Variants in ATXN10 observed in about 807,000 individuals in gnomAD.
ATXN10 encodes ataxin 10.
In ATXN10, 28 loss-of-function variants were observed where a neutral mutation model predicts 52.9. The observed-to-expected ratio is 0.53, with a 90% CI of 0.39 to 0.73. The LOEUF is 0.73. Among genes scored for constraint, ATXN10 ranks in the 30% least tolerant of loss-of-function variants. ATXN10 has a pLI of 0.00. For missense variants in ATXN10, 565 were observed against 577.0 expected, an observed-to-expected ratio of 0.98 and a Z score of 0.21; for synonymous variants, 226 against 221.5, an observed-to-expected ratio of 1.02 and a Z score of -0.18.
chr22:45,692,298 A>G (rs1923415406), intron 2 of ATXN10, among the ~76,000 whole-genome samples: 1 of 152,240 alleles, frequency 6.6e-6, no homozygotes. Context: ...TGGTAGGGCC[A>G]GCAAAGCAAG....
Position 45,806,970 on chromosome 22 carries a change from G to A in ATXN10, c.1185G>A (p.Leu395=). Residue 395 remains leucine (L), a synonymous_variant, in exon 10 of 12, where the codon CTG becomes CTA. Coordinates refer to ENST00000252934, the MANE Select transcript of ATXN10 (RefSeq NM_013236.4). ...NKDNQDKVNE[L]DGIPLILDNC... ...TTCTTTCTCTCTAGGTAAATGAGCT[G>A]GATGGTATCCCGTTGATCCTGGACA... 6.2e-7 allele frequency: 1 copy of A among 1,613,632 alleles called. No homozygotes were observed. Among genetic ancestry groups the A allele is most frequent in the Non-Finnish European group, 8.5e-7 (1 of 1,179,576 alleles).
chr22:45,679,939 T>TAA (rs985104987), intron 1 of ATXN10: 4 of 152,046 alleles, frequency 2.6e-5, no homozygotes, highest in African/African-American at 4.8e-5. Flanking sequence ...CCAATCGAAA[T>TAA]AAATAAGGTT....
rs374576400 is a variant in ATXN10 at position 45,821,659 on chromosome 22, A to G, written c.1237+14637A>G. Among the ~76,000 whole-genome samples, 3 of 152,198 alleles carry G rather than the reference A, an allele frequency of 2.0e-5. No homozygotes were observed. The East Asian group carries it at 5.8e-4, about 29-fold the overall frequency. ...CTTATTTCATTGAGGTATAACTTAC[A>G]TATAGTAAACTGCAAGTTTTAAGTA... On this transcript the variant is annotated intron_variant, in intron 10 of 11. Coordinates refer to ENST00000252934, the MANE Select transcript of ATXN10 (RefSeq NM_013236.4).
Position 45,700,385 on chromosome 22 carries a change from A to G in ATXN10, c.488+7A>G. 6.3e-7 allele frequency: 1 copy of G among 1,597,956 alleles called. No homozygotes were observed. The highest frequency in any genetic ancestry group is 8.6e-7 in the Non-Finnish European group (1 of 1,165,440). ...CTTTCCCAGAACTGTTTTTGTGAGT[A>G]TATTGATAAGCATTTTTCTAACTTG... On this transcript the variant is annotated splice_region_variant and intron_variant, in intron 4 of 11. Coordinates refer to ENST00000252934, the MANE Select transcript of ATXN10 (RefSeq NM_013236.4).
rs145579886 is a variant in ATXN10 at position 45,784,225 on chromosome 22, C to T, written c.1174-22734C>T. ...TAAATTAGGCAGATCTGGGCTTTGC[C>T]ACTCATTAAGCTCCATGACTGTGAA... On this transcript the variant is annotated intron_variant, in intron 9 of 11. Transcript: ENST00000252934. The surrounding 1 kb of genome is among the most constrained non-coding windows in gnomAD (Gnocchi z 4.2). 8.7e-4 allele frequency among the ~76,000 whole-genome samples: 133 copies of T among 152,244 alleles called. 1 individual carries two copies. Among genetic ancestry groups the T allele is most frequent in the African/African-American group, 2.8e-3 (115 of 41,538 alleles).
intron 9 of ATXN10, among the ~76,000 whole-genome samples, chr22:45,746,120 A>G (rs1925715626): frequency 1.3e-5 from 2 of 152,032 alleles, no homozygotes; most frequent in African/African-American, 4.8e-5. Flanking sequence ...AATATTTTTT[A>G]AATCCTAGGT....
rs967520869 is a variant in ATXN10, at chr22:45,835,034, T to C, written c.1238-7957T>C. Among the ~76,000 whole-genome samples, 3 of 152,206 alleles carry C rather than the reference T, an allele frequency of 2.0e-5. No homozygotes were observed. Among genetic ancestry groups the C allele is most frequent in the African/African-American group, 7.2e-5 (3 of 41,450 alleles). On this transcript the variant is annotated intron_variant, in intron 10 of 11. Coordinates refer to ENST00000252934, the MANE Select transcript of ATXN10 (RefSeq NM_013236.4). The surrounding 1 kb of genome is among the most constrained non-coding windows in gnomAD (Gnocchi z 5.0). Reference sequence around the variant, plus strand: ...CTTCGTACCACGCTTTGCTTTGAAGTGGTCAGTAAAATGATTCCAGAGCAT... The same window carrying C: ...CTTCGTACCACGCTTTGCTTTGAAGCGGTCAGTAAAATGATTCCAGAGCAT...
At chr22:45,702,960 A>C in intron 5 of ATXN10, 113 bp downstream of exon 5, 1 of 1,310,206 alleles carries the variant, frequency 7.6e-7, no homozygotes, top group Non-Finnish European at 1.1e-6. Context: ...ATAAGTTAAA[A>C]CTTAACATGT....
In ATXN10 at chr22:45,694,755, C is replaced by T. The variant is rs1448328680; in HGVS notation, c.391+1677C>T. On this transcript the variant is annotated intron_variant, in intron 3 of 11. Transcript: ENST00000252934. The stretch of plus-strand genomic sequence containing the variant: ...CGAGATCGTGCCATTGCACTCCAGC[C>T]TGGGTGACAAGAGTGAAATTCTGTC... Among the ~76,000 whole-genome samples the T allele has an allele frequency of 2.0e-5, 3 of 151,488 alleles. No homozygotes were observed. The East Asian group carries it at 5.8e-4, about 29-fold the overall frequency.
At chr22:45,724,282 C>T (rs116722186) in intron 6 of ATXN10, among the ~76,000 whole-genome samples, 2,260 of 152,254 alleles carry the variant, frequency 0.015, 53 homozygotes, top group African/African-American at 0.045. Context: ...TACTTTCCCC[C>T]CAGCATTGTA....
In ATXN10 at chr22:45,757,929, A is replaced by G. The variant is rs978286736; in HGVS notation, c.1173+17391A>G. Among the ~76,000 whole-genome samples, 5 of 152,242 alleles carry G rather than the reference A, an allele frequency of 3.3e-5. No homozygotes were observed. The highest frequency in any genetic ancestry group is 1.3e-4 in the Admixed American group (2 of 15,284). On this transcript the variant is annotated intron_variant, in intron 9 of 11. Coordinates refer to ENST00000252934, the MANE Select transcript of ATXN10 (RefSeq NM_013236.4). The surrounding 1 kb of genome is among the most constrained non-coding windows in gnomAD (Gnocchi z 4.6). ...TTATTGGACCTCTGCTGTGGATACT[A>G]TTTACTTCTTTTGAAATTTGTAAAA...
chr22:45,830,104 AC>A (rs1928940275), intron 10 of ATXN10, among the ~76,000 whole-genome samples: 1 of 152,238 alleles, frequency 6.6e-6, no homozygotes, highest in South Asian at 2.1e-4. Context: ...GGATGACAAC[AC>A]CATTCAGTGG....
Position 45,766,971 on chromosome 22 carries a change from T to G in ATXN10, c.1173+26433T>G, listed in dbSNP as rs1057111870. Among the ~76,000 whole-genome samples, 1 of 152,246 alleles carries G rather than the reference T, an allele frequency of 6.6e-6. No individual in the cohort carries two copies. Among genetic ancestry groups the G allele is most frequent in the Non-Finnish European group, 1.5e-5 (1 of 68,046 alleles). On this transcript the variant is annotated intron_variant, in intron 9 of 11. Transcript: ENST00000252934. The surrounding 1 kb of genome is among the most constrained non-coding windows in gnomAD (Gnocchi z 4.6). The stretch of plus-strand genomic sequence containing the variant: ...GATACCATTTTTCACCTGTGTGATA[T>G]CAAATGTAGTTGGCAAGACCATAGG...
At position 45,789,582 on chromosome 22, in the gene ATXN10, C is replaced by T. The variant is rs1927436963; in HGVS notation, c.1174-17377C>T. ...CCCTGGGAAGGCGCCAGTGAAGGGC[C>T]TGGAAAAGTTAGGGGTTAGTATGTT... On this transcript the variant is annotated intron_variant, in intron 9 of 11. Coordinates refer to ENST00000252934, the MANE Select transcript of ATXN10 (RefSeq NM_013236.4). The surrounding 1 kb of genome is among the most constrained non-coding windows in gnomAD (Gnocchi z 4.0). Among the ~76,000 whole-genome samples the T allele has an allele frequency of 6.6e-6, 1 of 152,130 alleles. No individual in the cohort carries two copies. Among genetic ancestry groups the T allele is most frequent in the Admixed American group, 6.5e-5 (1 of 15,274 alleles).
At chr22:45,767,760 A>G (rs912259992) in intron 9 of ATXN10, among the ~76,000 whole-genome samples, 6 of 152,214 alleles carry the variant, frequency 3.9e-5, no homozygotes, top group Non-Finnish European at 7.3e-5. Flanking sequence ...CAGAGAGGAT[A>G]TTTGAACTGA....
chr22:45,720,649 C>G (rs910086363), intron 6 of ATXN10, among the ~76,000 whole-genome samples: 1 of 152,098 alleles, frequency 6.6e-6, no homozygotes, highest in Non-Finnish European at 1.5e-5. Context: ...CCACTTGATA[C>G]CCATTAGGAT....
At chr22:45,693,519 A>G (rs1054257892) in intron 3 of ATXN10, among the ~76,000 whole-genome samples, 8 of 152,144 alleles carry the variant, frequency 5.3e-5, no homozygotes, top group South Asian at 2.1e-4. Flanking sequence ...GGCCCCTTTT[A>G]TAAGGGCACT....
rs1176975098 is a variant in ATXN10 at position 45,842,696 on chromosome 22, C to CT, written c.1238-294dup. 3.3e-5 allele frequency among the ~76,000 whole-genome samples: 5 copies of CT among 152,180 alleles called. No homozygotes were observed. The highest frequency in any genetic ancestry group is 4.8e-5 in the African/African-American group (2 of 41,448). ...TTCATAAACTTCAGTTTGAGCTACT[C>CT]TAAGTCTTTGCTTCCTTGTTCATTC... On this transcript the variant is annotated intron_variant, in intron 10 of 11. Coordinates refer to ENST00000252934, the MANE Select transcript of ATXN10 (RefSeq NM_013236.4). This position sits in a 1 kb window ranked among gnomAD's most constrained non-coding sequence, Gnocchi z 4.8.
Position 45,770,820 on chromosome 22 carries a change from T to A in ATXN10, c.1173+30282T>A, listed in dbSNP as rs558331116. ...GGGACCCTTTAGCCAGTGAATTGTT[T>A]CATTTGGTCCCATGGCCTGGGAATA... On this transcript the variant is annotated intron_variant, in intron 9 of 11. Coordinates refer to ENST00000252934, the MANE Select transcript of ATXN10 (RefSeq NM_013236.4). The surrounding 1 kb of genome is among the most constrained non-coding windows in gnomAD (Gnocchi z 4.5). 1.3e-5 allele frequency among the ~76,000 whole-genome samples: 2 copies of A among 152,338 alleles called. No homozygotes were observed. The highest frequency in any genetic ancestry group is 4.8e-5 in the African/African-American group (2 of 41,588).
Sources: allele counts gnomAD v4.1 joint callset (sites outside exome capture counted in the v4.1 genomes callset), GRCh38; gene constraint gnomAD v4.1.1; non-coding constraint Gnocchi (gnomAD v3.1); transcripts MANE v1.5; gene names NCBI Gene and HGNC (gene_info 2026-07-23, HGNC 2026-07-21).